MAPK10: variants seen among roughly 807,000 people sequenced by gnomAD.
MAPK10 encodes the protein JNK3 alpha protein kinase.
MAPK10 carries 25 observed loss-of-function variants against 59.3 expected under a neutral mutation model. The ratio of observed to expected loss-of-function variants is 0.42; its 90% CI spans 0.31 to 0.59. The LOEUF is 0.59. Ranked by LOEUF, MAPK10 falls within the 20% of genes least tolerant of loss-of-function variation. The pLI, the probability that MAPK10 is intolerant of heterozygous loss-of-function variation, is 0.15. For synonymous variants in MAPK10, 190 were observed against 200.5 expected (o/e 0.95, Z 0.44); for missense variants, 351 against 568.9 (o/e 0.62, Z 3.90).
intron 2 of MAPK10, among the ~76,000 whole-genome samples, chr4:86,210,231 G>A (rs558104717): frequency 6.6e-6 from 1 of 152,036 alleles, no homozygotes; most frequent in African/African-American, 2.4e-5. Context: ...TATTTCTTGA[G>A]TAATACCCCA....
At chr4:86,256,889 C>G (rs1281372764) in intron 2 of MAPK10, among the ~76,000 whole-genome samples, 1 of 73,362 alleles carries the variant, frequency 1.4e-5, no homozygotes, top group African/African-American at 2.1e-4. Flanking sequence ...TACAGGCGCC[C>G]GCCATTGCGC....
At chr4:86,574,424 A>G (rs993119246) in intron 1 of MAPK10, among the ~76,000 whole-genome samples, 1 of 151,620 alleles carries the variant, frequency 6.6e-6, no homozygotes, top group African/African-American at 2.4e-5. Flanking sequence ...TATACCCAGT[A>G]ATGGGATGGC....
intron 1 of MAPK10, among the ~76,000 whole-genome samples, chr4:86,381,089 T>C (rs981633786): frequency 6.6e-6 from 1 of 152,148 alleles, no homozygotes; most frequent in Non-Finnish European, 1.5e-5. Context: ...GTTTAAAAAT[T>C]GAAAATTTTC....
intron 1 of MAPK10, among the ~76,000 whole-genome samples, chr4:86,462,130 A>G (rs777315387): frequency 6.6e-6 from 1 of 152,210 alleles, no homozygotes; most frequent in African/African-American, 2.4e-5. Flanking sequence ...GATACTGCAC[A>G]AAAGCTATGA....
intron 1 of MAPK10, among the ~76,000 whole-genome samples, chr4:86,423,878 G>C (rs534717734): frequency 1.5e-4 from 22 of 150,228 alleles, no homozygotes; most frequent in Middle Eastern, 3.5e-3. Context: ...ACAGGGAATA[G>C]GCATAGATAA....
chr4:86,523,547 A>G (rs1757270485), intron 1 of MAPK10, among the ~76,000 whole-genome samples: 1 of 152,234 alleles, frequency 6.6e-6, no homozygotes, highest in Admixed American at 6.5e-5. Flanking sequence ...CTTCTCTGTT[A>G]TACTCGGATT....
At chr4:86,452,735 G>T (rs1393188012) in intron 1 of MAPK10, among the ~76,000 whole-genome samples, 1 of 152,146 alleles carries the variant, frequency 6.6e-6, no homozygotes, top group Admixed American at 6.5e-5. Flanking sequence ...AGTTGCAAAG[G>T]AGAGATCATG....
chr4:86,294,781 A>G (rs1373847935), intron 2 of MAPK10, among the ~76,000 whole-genome samples: 2 of 152,170 alleles, frequency 1.3e-5, no homozygotes, highest in Non-Finnish European at 2.9e-5. Context: ...AGGGCAGAAT[A>G]CGAGAAAGGA....
intron 1 of MAPK10, among the ~76,000 whole-genome samples, chr4:86,435,789 T>C (rs1040960283): frequency 6.6e-6 from 1 of 152,202 alleles, no homozygotes; most frequent in African/African-American, 2.4e-5. Context: ...AATTATAGGC[T>C]TACTTAGTTA....
chr4:86,434,402 G>T (rs1397883996), intron 1 of MAPK10, among the ~76,000 whole-genome samples: 1 of 152,102 alleles, frequency 6.6e-6, no homozygotes, highest in Non-Finnish European at 1.5e-5. Flanking sequence ...CATCTGACAA[G>T]GGATTAATAA....
At chr4:86,134,687 A>G (rs1325975674) in intron 4 of MAPK10, among the ~76,000 whole-genome samples, 1 of 152,236 alleles carries the variant, frequency 6.6e-6, no homozygotes, top group Non-Finnish European at 1.5e-5. Flanking sequence ...AGGAGCCAAG[A>G]TGGCCGAATA....
chr4:86,156,438 T>A (rs542069416), intron 4 of MAPK10, among the ~76,000 whole-genome samples: 13 of 152,082 alleles, frequency 8.5e-5, no homozygotes, highest in African/African-American at 3.1e-4. Flanking sequence ...CAAAATTGAA[T>A]TGTGACCACT....
chr4:86,488,553 G>T (rs1754208220), intron 1 of MAPK10, among the ~76,000 whole-genome samples: 1 of 152,272 alleles, frequency 6.6e-6, no homozygotes, highest in African/African-American at 2.4e-5. Context: ...CTTATGATAT[G>T]TATCCTCTAA....
intron 1 of MAPK10, among the ~76,000 whole-genome samples, chr4:86,510,690 A>C (rs1756161266): frequency 6.6e-6 from 1 of 152,160 alleles, no homozygotes; most frequent in African/African-American, 2.4e-5. Flanking sequence ...ACTCAATGGA[A>C]TCTAATTCAG....
At chr4:86,439,002 G>A (rs1279956603) in intron 1 of MAPK10, among the ~76,000 whole-genome samples, 3 of 152,192 alleles carry the variant, frequency 2.0e-5, no homozygotes, top group Non-Finnish European at 2.9e-5. Flanking sequence ...ACTGTGGTTC[G>A]ATGGCTGCAA....
intron 1 of MAPK10, among the ~76,000 whole-genome samples, chr4:86,480,227 C>G (rs563033000): frequency 6.6e-6 from 1 of 152,052 alleles, no homozygotes; most frequent in Non-Finnish European, 1.5e-5. Context: ...TGAAAATGGC[C>G]GGTCCTTGCC....
chr4:86,380,009 G>A (rs1740446600), intron 1 of MAPK10, among the ~76,000 whole-genome samples: 1 of 152,134 alleles, frequency 6.6e-6, no homozygotes, highest in Admixed American at 6.6e-5. Flanking sequence ...GCTGAGAAGG[G>A]TGGATCACCT....
intron 1 of MAPK10, among the ~76,000 whole-genome samples, chr4:86,509,466 A>C (rs1299661136): frequency 1.3e-5 from 2 of 151,902 alleles, no homozygotes; most frequent in African/African-American, 4.8e-5. Flanking sequence ...CTGACCAAAA[A>C]AAAAAAACAA....
chr4:86,160,785 CT>C (rs1234618063), intron 3 of MAPK10, among the ~76,000 whole-genome samples: 1 of 152,038 alleles, frequency 6.6e-6, no homozygotes, highest in African/African-American at 2.4e-5. Context: ...ACTAACTTTT[CT>C]GAAAATCGAA....
Sources: gnomAD v4.1 joint callset for allele counts (sites outside exome capture counted in the v4.1 genomes callset) on GRCh38, gnomAD v4.1.1 for gene constraint, MANE v1.5 for transcripts, NCBI Gene and HGNC (gene_info 2026-07-23, HGNC 2026-07-21) for gene names.